LAP3: variants seen among roughly 807,000 people sequenced by gnomAD.
LAP3 encodes the protein cytosol aminopeptidase.
Under a neutral mutation model 58.8 loss-of-function variants are expected in LAP3, and 46 were observed. That is an observed-to-expected ratio of 0.78 (90% CI 0.62 to 1.00). The LOEUF (loss-of-function observed/expected upper bound fraction) is 1.00. Among genes scored for constraint, LAP3 ranks in the 50% least tolerant of loss-of-function variants. The pLI is 0.00. For synonymous variants in LAP3, 257 were observed against 237.7 expected (o/e 1.08, Z -0.75); for missense variants, 615 against 659.1 (o/e 0.93, Z 0.73).
chr4:17,593,506 G>A (rs560640668), intron 7 of LAP3, among the ~76,000 whole-genome samples: 7 of 114,642 alleles, frequency 6.1e-5, no homozygotes, highest in Non-Finnish European at 1.4e-4. Flanking sequence ...CTTTGAGTAG[G>A]CTTGAAATCT....
intron 9 of LAP3, among the ~76,000 whole-genome samples, chr4:17,597,487 C>T (rs1405730471): frequency 6.6e-6 from 1 of 152,080 alleles, no homozygotes; most frequent in Non-Finnish European, 1.5e-5. Context: ...CAGGCTGGTC[C>T]CAAACTCCTA....
intron 7 of LAP3, among the ~76,000 whole-genome samples, chr4:17,592,849 C>T (rs1182312993): frequency 6.6e-6 from 1 of 152,232 alleles, no homozygotes; most frequent in Admixed American, 6.5e-5. Context: ...CGCTCTGTCA[C>T]CCAGGCTGGA....
intron 7 of LAP3, among the ~76,000 whole-genome samples, chr4:17,591,073 CTTTTG>C (rs1713675801): frequency 1.4e-5 from 2 of 145,100 alleles, no homozygotes; most frequent in South Asian, 2.2e-4. Flanking sequence ...CCAGCCTAAA[CTTTTG>C]TTTTGTTTTG....
At position 17,606,943 on chromosome 4, in the gene LAP3, G is replaced by T; in HGVS notation, c.1370+5G>T. 3 of 1,559,384 alleles carry T rather than the reference G, an allele frequency of 1.9e-6. No homozygotes were observed. In the African/African-American group the frequency reaches 4.1e-5, roughly 21 times the overall value. On this transcript the variant is annotated splice_donor_5th_base_variant and intron_variant, in intron 12 of 12. Transcript: ENST00000226299. ...TAACAACATTGGAAAATACAGGTAT[G>T]TAAGCTAAGCTAAATGTACATTTAT...
At position 17,607,930 on chromosome 4, in the gene LAP3, T is replaced by C; in HGVS notation, c.*341T>C. The stretch of plus-strand genomic sequence containing the variant: ...GGAACATGAGCAAACTGAAAATTAC[T>C]ATGCACTTGTCAGAAACAATAAATG... On this transcript the variant is annotated 3_prime_UTR_variant, in exon 13 of 13. Coordinates refer to ENST00000226299, the MANE Select transcript of LAP3 (RefSeq NM_015907.3). 1 of 184,060 alleles carries C rather than the reference T, an allele frequency of 5.4e-6. No homozygotes were observed. The highest frequency in any genetic ancestry group is 5.6e-5 in the Admixed American group (1 of 18,012). The allele number at this position is 184,060 out of a possible 1,614,324, so 11.4% of individuals were successfully genotyped here.
chr4:17,605,662 C>T (rs1467517093), intron 11 of LAP3, among the ~76,000 whole-genome samples: 3 of 152,148 alleles, frequency 2.0e-5, no homozygotes, highest in Admixed American at 2.0e-4. Context: ...TCACGAAGCC[C>T]AATTTTCCCA....
chr4:17,606,105 GATGAATGAGTGAGTGGGTAAGTGATGA>G (rs1301481353), intron 11 of LAP3, among the ~76,000 whole-genome samples: 1 of 152,166 alleles, frequency 6.6e-6, no homozygotes, highest in African/African-American at 2.4e-5. Flanking sequence ...TTCAGTAAAC[GATGAATGAGTGAGTGGGTAAGTGATGA>G]ATGAATGAAT....
chr4:17,606,590 G>A (rs1428247821), intron 11 of LAP3, among the ~76,000 whole-genome samples: 4 of 152,148 alleles, frequency 2.6e-5, no homozygotes, highest in Admixed American at 2.0e-4. Context: ...CACCCGCCTC[G>A]GCCTCCCAAA....
chr4:17,582,128 GA>G (rs1713379929), intron 3 of LAP3, 159 bp from the exon 4 acceptor site: 3 of 656,638 alleles, frequency 4.6e-6, no homozygotes, highest in Non-Finnish European at 5.2e-6. Flanking sequence ...AAGGTTTTAA[GA>G]AAAAAAAGCC....
chr4:17,581,713 A>C, intron 2 of LAP3, 47 bp from the exon 3 acceptor site: 1 of 1,506,866 alleles, frequency 6.6e-7, no homozygotes, highest in Non-Finnish European at 9.2e-7. Flanking sequence ...TCCCAAGTGA[A>C]CCGAGCAAAA....
chr4:17,595,629 A>C, intron 8 of LAP3, 95 bp downstream of exon 8: 1 of 1,380,722 alleles, frequency 7.2e-7, no homozygotes. Context: ...TAATCTGAAA[A>C]GATAAGAAAT....
intron 3 of LAP3, 130 bp downstream of exon 3, chr4:17,581,944 C>T (rs996035712): frequency 5.0e-6 from 4 of 800,282 alleles, no homozygotes; most frequent in African/African-American, 3.5e-5. Flanking sequence ...TTAAGCAGAA[C>T]ATTTAAGATT....
At chr4:17,584,918 C>A in intron 5 of LAP3, 54 bp from the exon 6 acceptor site, 1 of 1,552,140 alleles carries the variant, frequency 6.4e-7, no homozygotes, top group Non-Finnish European at 8.8e-7. Context: ...AGTTGGCAGG[C>A]AGTCAGCGTT....
intron 10 of LAP3, among the ~76,000 whole-genome samples, chr4:17,599,914 T>A (rs895648614): frequency 1.3e-5 from 2 of 152,300 alleles, no homozygotes; most frequent in Middle Eastern, 3.4e-3. Context: ...CATTGGTACT[T>A]GGGGACAATT....
intron 7 of LAP3, among the ~76,000 whole-genome samples, chr4:17,589,751 G>A (rs977784401): frequency 3.9e-5 from 6 of 152,176 alleles, no homozygotes; most frequent in African/African-American, 1.4e-4. Context: ...GAGCCATTGT[G>A]CTCTGCCTAA....
intron 10 of LAP3, among the ~76,000 whole-genome samples, chr4:17,602,614 TATG>T (rs1434221856): frequency 6.6e-6 from 1 of 152,208 alleles, no homozygotes; most frequent in African/African-American, 2.4e-5. Context: ...TTCCTTAAAT[TATG>T]ATATCTCCAT....
At position 17,582,511 on chromosome 4, in the gene LAP3, T is replaced by C. The variant is rs1713391680; in HGVS notation, c.379+118T>C. On this transcript the variant is annotated intron_variant, in intron 4 of 12. Coordinates refer to ENST00000226299, the MANE Select transcript of LAP3 (RefSeq NM_015907.3). ...CCTTACCACGTTCACACAGAAATAA[T>C]TCATCTTAACAAAAATTCAGTTCCT... 4 of 726,450 alleles carry C rather than the reference T, an allele frequency of 5.5e-6. No homozygotes were observed. In the South Asian group the frequency reaches 5.5e-5, roughly 10 times the overall value. The allele number at this position is 726,450 out of a possible 1,614,324, so 45.0% of individuals were successfully genotyped here.
chr4:17,604,845 T>C (rs994039936), intron 11 of LAP3, among the ~76,000 whole-genome samples, 178 bp downstream of exon 11: 2 of 152,138 alleles, frequency 1.3e-5, no homozygotes, highest in African/African-American at 4.8e-5. Context: ...TTTCCACAAA[T>C]GCTCCTAAAG....
rs1387911316 is a variant in LAP3, at chr4:17,577,400, A to G, written c.-66A>G. ...TCTGCGCCCCGAAAGCCCCGCCCCA[A>G]GGCGCGCCCGCCCACCGCTCTCCAC... On this transcript the variant is annotated 5_prime_UTR_variant, in exon 1 of 13. Coordinates refer to ENST00000226299, the MANE Select transcript of LAP3 (RefSeq NM_015907.3). 2 of 1,294,098 alleles carry G rather than the reference A, an allele frequency of 1.5e-6. No homozygotes were observed. Among genetic ancestry groups the G allele is most frequent in the African/African-American group, 1.6e-5 (1 of 63,824 alleles). 80.2% of individuals were successfully genotyped at this position (1,294,098 alleles called of 1,614,324 possible).
Sources: allele counts gnomAD v4.1 joint callset (sites outside exome capture counted in the v4.1 genomes callset), GRCh38; gene constraint gnomAD v4.1.1; transcripts MANE v1.5; gene names NCBI Gene and HGNC (gene_info 2026-07-23, HGNC 2026-07-21).